Variants in IFT81 observed in about 807,000 individuals in gnomAD.
The protein encoded by IFT81 is intraflagellar transport protein 81 homolog.
IFT81 carries 72 observed loss-of-function variants against 102.6 expected under a neutral mutation model. The observed-to-expected ratio is 0.70, with a 90% CI of 0.58 to 0.85. The LOEUF is 0.85. Ranked by LOEUF, IFT81 falls within the 40% of genes least tolerant of loss-of-function variation. IFT81 has a pLI of 0.00. For synonymous variants in IFT81, 237 were observed against 242.7 expected, an observed-to-expected ratio of 0.98 and a Z score of 0.22; for missense variants, 723 against 787.3, an observed-to-expected ratio of 0.92 and a Z score of 0.98.
intron 18 of IFT81, among the ~76,000 whole-genome samples, chr12:110,209,506 C>A (rs956550044): frequency 3.3e-5 from 5 of 152,176 alleles, no homozygotes; most frequent in African/African-American, 1.2e-4. Context: ...CGGTGGCTCA[C>A]GCCTGTAATC....
intron 4 of IFT81, among the ~76,000 whole-genome samples, chr12:110,132,221 T>C (rs1894202396): frequency 6.6e-6 from 1 of 152,056 alleles, no homozygotes; most frequent in Non-Finnish European, 1.5e-5. Context: ...TCCCAGCACT[T>C]TGGGAGGCCA....
intron 14 of IFT81, among the ~76,000 whole-genome samples, chr12:110,196,921 C>T (rs564713832): frequency 1.3e-5 from 2 of 152,056 alleles, no homozygotes; most frequent in South Asian, 4.2e-4. Context: ...CATGTAGGGC[C>T]AGGCAGCAGT....
At chr12:110,150,348 A>G (rs1397332782) in intron 10 of IFT81, among the ~76,000 whole-genome samples, 1 of 152,028 alleles carries the variant, frequency 6.6e-6, no homozygotes, top group Non-Finnish European at 1.5e-5. Flanking sequence ...AAGTGCTGGA[A>G]TTACAGGTGT....
At chr12:110,153,593 A>T (rs1172609588) in intron 10 of IFT81, among the ~76,000 whole-genome samples, 1 of 146,032 alleles carries the variant, frequency 6.8e-6, no homozygotes, top group Non-Finnish European at 1.5e-5. Context: ...CATCAGGACC[A>T]GGGCTTTTCT....
chr12:110,180,860 A>G (rs1897293896), intron 12 of IFT81, among the ~76,000 whole-genome samples: 1 of 152,212 alleles, frequency 6.6e-6, no homozygotes, highest in African/African-American at 2.4e-5. Context: ...TCATACCAAG[A>G]GAGTGACTGT....
In IFT81 at chr12:110,128,121, T is replaced by C. The variant is rs563188790; in HGVS notation, c.220T>C (p.Tyr74His). 5.0e-6 allele frequency: 8 copies of C among 1,612,688 alleles called. No homozygotes were observed. The African/African-American group carries it at 1.1e-4, about 21-fold the overall frequency. ...RMLSLLGILK[Y>H]KPSGNATDMS... ...GTTGAGCCTTCTTGGTATTCTTAAG[T>C]ACAAACCTTCAGGAAATGCCACAGA... is the stretch of plus-strand genomic sequence containing the variant. Residue 74 changes from tyrosine (Y) to histidine (H), a missense_variant, in exon 3 of 19, where the codon TAC (tyrosine) becomes CAC (histidine). Coordinates refer to ENST00000242591, the MANE Select transcript of IFT81 (RefSeq NM_014055.4).
rs781004643 is a variant in IFT81 at position 110,173,094 on chromosome 12, C to CCG, written c.1189-7326_1189-7325dup. ...GTGAGGAGCCCCTCTGCCCGACCAGCCGCCCCATCCGGGAGGGAGGTGGGG... is the reference window on the plus strand; with the variant it reads ...GTGAGGAGCCCCTCTGCCCGACCAGCCGCGCCCCATCCGGGAGGGAGGTGGGG... On this transcript the variant is annotated intron_variant, in intron 11 of 18. Coordinates refer to ENST00000242591, the MANE Select transcript of IFT81 (RefSeq NM_014055.4). 4.4e-4 allele frequency among the ~76,000 whole-genome samples: 65 copies of CCG among 148,442 alleles called. 1 individual carries two copies. The highest frequency in any genetic ancestry group is 7.7e-4 in the Non-Finnish European group (51 of 66,470).
intron 17 of IFT81, among the ~76,000 whole-genome samples, chr12:110,207,905 C>T (rs905656608): frequency 1.3e-4 from 20 of 151,958 alleles, no homozygotes; most frequent in African/African-American, 4.6e-4. Flanking sequence ...ATTTTGTTTA[C>T]AAATAAAATA....
At chr12:110,210,441 A>G (rs1869254735) in intron 18 of IFT81, among the ~76,000 whole-genome samples, 1 of 152,164 alleles carries the variant, frequency 6.6e-6, no homozygotes, top group African/African-American at 2.4e-5. Flanking sequence ...ACTATTGAAA[A>G]TAATGTTTTC....
chr12:110,205,427 A>T lies in IFT81; in HGVS notation c.1645-16A>T. On this transcript the variant is annotated splice_polypyrimidine_tract_variant and intron_variant, in intron 15 of 18. Transcript: ENST00000242591. ...TTCTTTCGATAATGTCACCTATCTA[A>T]AATTATATATTATAGGAAGTTAGAA... The T allele has an allele frequency of 6.4e-7, 1 of 1,574,780 alleles. No homozygotes were observed. The highest frequency in any genetic ancestry group is 8.6e-7 in the Non-Finnish European group (1 of 1,167,380).
intron 10 of IFT81, among the ~76,000 whole-genome samples, chr12:110,160,224 C>G (rs1356762734): frequency 6.6e-6 from 1 of 152,186 alleles, no homozygotes; most frequent in African/African-American, 2.4e-5. Flanking sequence ...TTGGCTCACA[C>G]AGTTACAAGG....
Position 110,136,776 on chromosome 12 carries a change from C to G in IFT81, c.697C>G (p.Leu233Val). 6.3e-7 allele frequency: 1 copy of G among 1,592,656 alleles called. No homozygotes were observed. The highest frequency in any genetic ancestry group is 1.1e-5 in the South Asian group (1 of 88,828). Residue 233 changes from leucine (L) to valine (V), a missense_variant and splice_region_variant, in exon 8 of 19, where the codon CTA becomes GTA. Leu to Val is a conservative substitution (Grantham distance 32, BLOSUM62 1). Coordinates refer to ENST00000242591, the MANE Select transcript of IFT81 (RefSeq NM_014055.4). ...AQQKQEQKNQLFHAVQRLQRV... is the reference protein window; with the variant it reads ...AQQKQEQKNQVFHAVQRLQRV... ...TAATCTATTTAATTGTATTTTAAAG[C>G]TATTTCATGCAGTGCAAAGATTGCA...
Position 110,136,759 on chromosome 12 carries a change from T to G in IFT81, c.697-17T>G. 20 of 1,543,596 alleles carry G rather than the reference T, an allele frequency of 1.3e-5. No individual in the cohort carries two copies. Among genetic ancestry groups the G allele is most frequent in the Non-Finnish European group, 1.8e-5 (20 of 1,120,720 alleles). Reference sequence around the variant, plus strand: ...TCAGTAGACTAAGCAAGTAATCTATTTAATTGTATTTTAAAGCTATTTCAT... The same window carrying G: ...TCAGTAGACTAAGCAAGTAATCTATGTAATTGTATTTTAAAGCTATTTCAT... On this transcript the variant is annotated splice_polypyrimidine_tract_variant and intron_variant, in intron 7 of 18. Transcript: ENST00000242591.
Position 110,174,810 on chromosome 12 carries a change from G to A in IFT81, c.1189-5612G>A, listed in dbSNP as rs111689308. ...ATACACAAAAGGAAAAAGAACATCT[G>A]TCAATTTCCATTTTGATCACAGGGG... On this transcript the variant is annotated intron_variant, in intron 11 of 18. Transcript: ENST00000242591. Among the ~76,000 whole-genome samples the A allele has an allele frequency of 3.1e-3, 470 of 152,248 alleles. 3 individuals carry two copies. Among genetic ancestry groups the A allele is most frequent in the African/African-American group, 0.011 (450 of 41,528 alleles).
At chr12:110,177,754 C>T (rs955419723) in intron 11 of IFT81, among the ~76,000 whole-genome samples, 3 of 152,120 alleles carry the variant, frequency 2.0e-5, no homozygotes, top group African/African-American at 7.2e-5. Flanking sequence ...CTTTCTATTT[C>T]ACTACTTTAT....
chr12:110,191,149 G>T, intron 13 of IFT81, 101 bp downstream of exon 13: 2 of 1,005,278 alleles, frequency 2.0e-6, no homozygotes, highest in Non-Finnish European at 2.8e-6. Context: ...GTTAATTTCT[G>T]CACATTACAT....
At chr12:110,207,935 A>G (rs1027512159) in intron 17 of IFT81, among the ~76,000 whole-genome samples, 1 of 152,062 alleles carries the variant, frequency 6.6e-6, no homozygotes, top group Admixed American at 6.6e-5. Flanking sequence ...TATGTTTTTA[A>G]TTTTTACATT....
chr12:110,143,580 T>G (rs1895023431), intron 9 of IFT81, 35 bp downstream of exon 9: 1 of 1,479,290 alleles, frequency 6.8e-7, no homozygotes, highest in Non-Finnish European at 9.0e-7. Flanking sequence ...GCTCTCAATT[T>G]TATCTGATCC....
Position 110,191,002 on chromosome 12 carries a change from A to G in IFT81, c.1421A>G (p.Glu474Gly). 6.2e-7 allele frequency: 1 copy of G among 1,610,174 alleles called. No individual in the cohort carries two copies. The highest frequency in any genetic ancestry group is 1.3e-5 in the African/African-American group (1 of 74,872). ...ELERVSALKS[E>G]VDEMKGRTLD... is the part of the protein sequence containing the mutation. ...GAAAGAGTATCTGCACTGAAGAGTG[A>G]AGTTGATGAAATGAAAGGACGAACA... Residue 474 changes from glutamate to glycine, a missense_variant, in exon 13 of 19, where the codon GAA becomes GGA. Physicochemically the swap from Glu to Gly is moderately conservative, Grantham distance 98. Coordinates refer to ENST00000242591, the MANE Select transcript of IFT81 (RefSeq NM_014055.4).
Sources: allele counts gnomAD v4.1 joint callset (sites outside exome capture counted in the v4.1 genomes callset), GRCh38; gene constraint gnomAD v4.1.1; transcripts MANE v1.5; gene names NCBI Gene and HGNC (gene_info 2026-07-23, HGNC 2026-07-21).